Variants in PHF21A observed in about 807,000 individuals in gnomAD.
The protein encoded by PHF21A is BHC80a.
PHF21A carries 11 observed loss-of-function variants against 82.5 expected under a neutral mutation model. That is an observed-to-expected ratio of 0.13 (90% confidence interval 0.08 to 0.22). The LOEUF is 0.22. Ranked by LOEUF, PHF21A falls within the 10% of genes least tolerant of loss-of-function variation. PHF21A has a pLI of 1.00. For synonymous variants in PHF21A, 297 were observed against 302.8 expected, an observed-to-expected ratio of 0.98 and a Z score of 0.20; for missense variants, 579 against 837.8, an observed-to-expected ratio of 0.69 and a Z score of 3.81.
chr11:46,064,386 T>C (rs142519594), intron 6 of PHF21A, among the ~76,000 whole-genome samples: 1 of 152,286 alleles, frequency 6.6e-6, no homozygotes, highest in East Asian at 1.9e-4. Flanking sequence ...AAAGGAATGT[T>C]TGGTGCTTCA....
intron 18 of PHF21A, chr11:45,934,475 C>T (rs1438111624): frequency 1.0e-5 from 5 of 498,350 alleles, no homozygotes; most frequent in Middle Eastern, 5.1e-4. Flanking sequence ...CATGCGGGCA[C>T]CAACACACAG....
At chr11:45,968,885 C>T (rs1166250304) in intron 9 of PHF21A, among the ~76,000 whole-genome samples, 3 of 142,002 alleles carry the variant, frequency 2.1e-5, no homozygotes, top group African/African-American at 7.9e-5. Context: ...GAGCCTAGAT[C>T]GTGCCACTGC....
intron 1 of PHF21A, among the ~76,000 whole-genome samples, chr11:46,097,840 CAT>C (rs888808024): frequency 2.6e-5 from 4 of 152,144 alleles, no homozygotes; most frequent in African/African-American, 9.7e-5. Context: ...CACACACACA[CAT>C]ACACAAAAGA....
At chr11:45,967,367 TAAA>T (rs66525187) in intron 9 of PHF21A, among the ~76,000 whole-genome samples, 15 of 145,104 alleles carry the variant, frequency 1.0e-4, no homozygotes, top group South Asian at 2.2e-4. Flanking sequence ...GACCCTGTCT[TAAA>T]AAAAAAAAAA....
intron 8 of PHF21A, 110 bp downstream of exon 8, chr11:45,971,006 A>G: frequency 7.6e-7 from 1 of 1,308,088 alleles, no homozygotes; most frequent in Non-Finnish European, 1.0e-6. Flanking sequence ...GTATGCTAGA[A>G]GAATGATGGA....
intron 6 of PHF21A, among the ~76,000 whole-genome samples, chr11:45,985,188 C>G (rs2094450697): frequency 6.6e-6 from 1 of 152,144 alleles, no homozygotes; most frequent in African/African-American, 2.4e-5. Flanking sequence ...TTTCTACCGT[C>G]TAACTAAAAC....
chr11:46,005,390 T>C (rs1438972677), intron 6 of PHF21A, among the ~76,000 whole-genome samples: 2 of 152,214 alleles, frequency 1.3e-5, no homozygotes, highest in Admixed American at 6.5e-5. Context: ...ATTTGCACAA[T>C]ATATTAACGC....
chr11:45,978,259 C>T (rs753096501), intron 7 of PHF21A, among the ~76,000 whole-genome samples: 25 of 152,260 alleles, frequency 1.6e-4, no homozygotes, highest in Non-Finnish European at 2.8e-4. Context: ...CAAGACTGCG[C>T]CACTGCACTC....
chr11:46,001,633 C>G (rs767912449), intron 6 of PHF21A, among the ~76,000 whole-genome samples: 2 of 152,152 alleles, frequency 1.3e-5, no homozygotes, highest in Non-Finnish European at 2.9e-5. Context: ...CCCATGCTTA[C>G]ATTTTTAAAA....
intron 5 of PHF21A, among the ~76,000 whole-genome samples, chr11:46,078,615 C>A (rs2096755824): frequency 1.3e-5 from 2 of 152,066 alleles, no homozygotes; most frequent in African/African-American, 4.8e-5. Context: ...ACATAAGGTA[C>A]TTTTTAACCC....
At chr11:46,016,139 C>G (rs940850129) in intron 6 of PHF21A, among the ~76,000 whole-genome samples, 4 of 152,142 alleles carry the variant, frequency 2.6e-5, no homozygotes, top group East Asian at 1.9e-4. Context: ...ATGATGGCTA[C>G]TAAGCAACAG....
intron 4 of PHF21A, among the ~76,000 whole-genome samples, chr11:46,080,470 G>GA (rs971160034): frequency 6.6e-6 from 1 of 151,170 alleles, no homozygotes; most frequent in African/African-American, 2.4e-5. Context: ...TTAAAAAGAA[G>GA]AAAAAAAATT....
chr11:46,113,755 G>A (rs2097253140), intron 1 of PHF21A, among the ~76,000 whole-genome samples: 1 of 151,584 alleles, frequency 6.6e-6, no homozygotes, highest in African/African-American at 2.4e-5. Context: ...GAACCTGGGA[G>A]GTGGAGGCTG....
chr11:46,089,565 G>T (rs1242269312), intron 3 of PHF21A, among the ~76,000 whole-genome samples: 1 of 151,798 alleles, frequency 6.6e-6, no homozygotes, highest in African/African-American at 2.4e-5. Flanking sequence ...AAAGAGCTTG[G>T]CAACCCTGAT....
At position 46,071,949 on chromosome 11, in the gene PHF21A, G is replaced by A. The variant is rs796915756; in HGVS notation, c.153+4805C>T. Among the ~76,000 whole-genome samples, 31 of 152,102 alleles carry A rather than the reference G, an allele frequency of 2.0e-4. 1 individual carries two copies. The highest frequency in any genetic ancestry group is 1.2e-3 in the Admixed American group (19 of 15,286). ...TACAATATAAGCAGAGCAAAAGATC[G>A]GGTGGATAAAATAATTCATTTAAAG... On this transcript the variant is annotated intron_variant, in intron 6 of 18. Coordinates refer to ENST00000676320, the MANE Select transcript of PHF21A (RefSeq NM_001352027.3).
intron 7 of PHF21A, among the ~76,000 whole-genome samples, chr11:45,973,871 G>A (rs1301778062): frequency 2.6e-5 from 4 of 152,180 alleles, no homozygotes; most frequent in Non-Finnish European, 4.4e-5. Flanking sequence ...TTAAAGAAAC[G>A]CATGTTGTTA....
intron 6 of PHF21A, chr11:46,026,878 C>T (rs898688419): frequency 1.2e-4 from 19 of 152,188 alleles, no homozygotes; most frequent in African/African-American, 4.3e-4. Flanking sequence ...CCTGGCCCAC[C>T]AAAGGTCTTC....
At chr11:46,094,266 A>G (rs2096963328) in intron 1 of PHF21A, among the ~76,000 whole-genome samples, 1 of 152,186 alleles carries the variant, frequency 6.6e-6, no homozygotes, top group Non-Finnish European at 1.5e-5. Context: ...CTGAACTGAT[A>G]AAGAATTTTG....
At chr11:46,112,279 G>A (rs947192645) in intron 1 of PHF21A, among the ~76,000 whole-genome samples, 1 of 152,158 alleles carries the variant, frequency 6.6e-6, no homozygotes, top group Non-Finnish European at 1.5e-5. Context: ...AGAACAGCCT[G>A]AGCTTCTGAT....
Sources: gnomAD v4.1 joint callset for allele counts (sites outside exome capture counted in the v4.1 genomes callset) on GRCh38, gnomAD v4.1.1 for gene constraint, MANE v1.5 for transcripts, NCBI Gene and HGNC (gene_info 2026-07-23, HGNC 2026-07-21) for gene names.